Variants in VTI1A observed in about 807,000 individuals in gnomAD.
VTI1A encodes the protein vesicle transport through interaction with t-SNAREs 1A.
In VTI1A, 22 loss-of-function variants were observed where a neutral mutation model predicts 34.9. The ratio of observed to expected loss-of-function variants is 0.63; its 90% CI spans 0.45 to 0.90. VTI1A has a LOEUF of 0.90. Among genes scored for constraint, VTI1A ranks in the 40% least tolerant of loss-of-function variants. VTI1A has a pLI of 0.00. For missense variants in VTI1A, 268 were observed against 275.6 expected, an observed-to-expected ratio of 0.97 and a Z score of 0.20; for synonymous variants, 87 against 97.3, an observed-to-expected ratio of 0.89 and a Z score of 0.62.
At chr10:112,792,450 T>A (rs547046779) in intron 7 of VTI1A, among the ~76,000 whole-genome samples, 2 of 152,162 alleles carry the variant, frequency 1.3e-5, no homozygotes, top group African/African-American at 4.8e-5. Flanking sequence ...GACCCGAGCC[T>A]GGCTCTCACC....
chr10:112,825,233 A>ACAGCTC, the VTI1A span: 1 of 152,762 alleles, frequency 6.5e-6, no homozygotes, highest in East Asian at 1.9e-4. Flanking sequence ...CTCTGCCCCC[A>ACAGCTC]CAGCTCCAGC....
At chr10:112,615,107 T>A (rs944029684) in intron 5 of VTI1A, among the ~76,000 whole-genome samples, 5 of 152,306 alleles carry the variant, frequency 3.3e-5, no homozygotes, top group African/African-American at 4.8e-5. Context: ...AACATTTGTA[T>A]TGGCAATGGG....
chr10:112,813,131 G>A (rs1853377111), intron 7 of VTI1A, among the ~76,000 whole-genome samples: 1 of 152,350 alleles, frequency 6.6e-6, no homozygotes, highest in South Asian at 2.1e-4. Flanking sequence ...GGAAGCAACA[G>A]AGCGGGCGGT....
chr10:112,568,182 A>C (rs1361269198), intron 5 of VTI1A, among the ~76,000 whole-genome samples: 1 of 152,112 alleles, frequency 6.6e-6, no homozygotes, highest in Non-Finnish European at 1.5e-5. Flanking sequence ...TTGTGGTCTC[A>C]GAAGCACCAA....
chr10:112,624,078 G>C (rs1845830138), intron 5 of VTI1A, among the ~76,000 whole-genome samples: 1 of 152,198 alleles, frequency 6.6e-6, no homozygotes, highest in Non-Finnish European at 1.5e-5. Flanking sequence ...GAACTTAGGG[G>C]CTCAGGAGTT....
chr10:112,625,040 G>A (rs912340360), intron 5 of VTI1A, among the ~76,000 whole-genome samples: 1 of 152,200 alleles, frequency 6.6e-6, no homozygotes, highest in South Asian at 2.1e-4. Context: ...TGAGACTGCA[G>A]TGAGCCATGA....
At chr10:112,690,103 C>G (rs1848562253) in intron 7 of VTI1A, among the ~76,000 whole-genome samples, 1 of 151,900 alleles carries the variant, frequency 6.6e-6, no homozygotes. Flanking sequence ...TATTTCATTC[C>G]TTTTAATTGC....
intron 5 of VTI1A, among the ~76,000 whole-genome samples, chr10:112,614,976 A>G (rs1354884824): frequency 6.6e-6 from 1 of 152,146 alleles, no homozygotes; most frequent in African/African-American, 2.4e-5. Flanking sequence ...ATATTGATGG[A>G]TCAATCCAAG....
intron 5 of VTI1A, among the ~76,000 whole-genome samples, chr10:112,572,042 A>T (rs1225779659): frequency 8.0e-6 from 1 of 125,170 alleles, no homozygotes; most frequent in Admixed American, 7.7e-5. Context: ...TATGCTCACA[A>T]CTTGAATGAC....
chr10:112,792,726 T>C (rs1852527414), intron 7 of VTI1A, among the ~76,000 whole-genome samples: 1 of 152,196 alleles, frequency 6.6e-6, no homozygotes, highest in Non-Finnish European at 1.5e-5. Context: ...TGTCAGTGAA[T>C]GTTTACATGA....
At chr10:112,787,002 A>T (rs1210359905) in intron 7 of VTI1A, among the ~76,000 whole-genome samples, 1 of 152,168 alleles carries the variant, frequency 6.6e-6, no homozygotes, top group Non-Finnish European at 1.5e-5. Flanking sequence ...ATAAATTGTG[A>T]TGTAATTCAT....
chr10:112,453,573 T>G (rs1209142589), intron 1 of VTI1A, among the ~76,000 whole-genome samples: 1 of 152,238 alleles, frequency 6.6e-6, no homozygotes, highest in Non-Finnish European at 1.5e-5. Context: ...TTTATTTTCA[T>G]GTTGCTCAAA....
At chr10:112,660,104 G>C (rs1415821545) in intron 5 of VTI1A, among the ~76,000 whole-genome samples, 1 of 152,072 alleles carries the variant, frequency 6.6e-6, no homozygotes, top group South Asian at 2.1e-4. Flanking sequence ...ATTTGTTGTT[G>C]TTGTTGTTGT....
At chr10:112,733,395 C>T (rs1434044917) in intron 7 of VTI1A, among the ~76,000 whole-genome samples, 2 of 152,132 alleles carry the variant, frequency 1.3e-5, no homozygotes, top group African/African-American at 4.8e-5. Context: ...TTCCCATTCC[C>T]CCAGCCCCCG....
chr10:112,660,765 A>G (rs1449789537), intron 5 of VTI1A, among the ~76,000 whole-genome samples: 1 of 152,154 alleles, frequency 6.6e-6, no homozygotes, highest in East Asian at 1.9e-4. Context: ...CTCAGAAATT[A>G]AGGTTTTTAT....
At chr10:112,625,661 A>C (rs560879685) in intron 5 of VTI1A, among the ~76,000 whole-genome samples, 5 of 151,394 alleles carry the variant, frequency 3.3e-5, no homozygotes, top group Non-Finnish European at 5.9e-5. Flanking sequence ...AAGGAAAACC[A>C]AACATCATAT....
Position 112,767,953 on chromosome 10 carries a change from G to A in VTI1A, c.561-47337G>A, listed in dbSNP as rs78445945. On this transcript the variant is annotated intron_variant, in intron 7 of 7. Transcript: ENST00000393077. This position sits in a 1 kb window ranked among gnomAD's most constrained non-coding sequence, Gnocchi z 4.0. ...CACTAGTGTCACAGAAGCCGGACACGTATTACTTCCCCCTTGGATCCTCAT... is the reference window on the plus strand; with the variant it reads ...CACTAGTGTCACAGAAGCCGGACACATATTACTTCCCCCTTGGATCCTCAT... Among the ~76,000 whole-genome samples the A allele has an allele frequency of 4.3e-3, 651 of 152,284 alleles. 4 individuals carry two copies. Among genetic ancestry groups the A allele is most frequent in the African/African-American group, 0.014 (578 of 41,558 alleles).
the VTI1A span, among the ~76,000 whole-genome samples, chr10:112,829,753 C>CA: frequency 6.6e-6 from 1 of 151,894 alleles, no homozygotes; most frequent in African/African-American, 2.4e-5. Context: ...GACTCCATTT[C>CA]AAAAAATAAA....
At chr10:112,589,314 G>T (rs1844288364) in intron 5 of VTI1A, among the ~76,000 whole-genome samples, 1 of 152,042 alleles carries the variant, frequency 6.6e-6, no homozygotes. Flanking sequence ...AGTGAATTAA[G>T]TCGCATGAGA....
Sources: gnomAD v4.1 joint callset for allele counts (sites outside exome capture counted in the v4.1 genomes callset) on GRCh38, gnomAD v4.1.1 for gene constraint, Gnocchi (gnomAD v3.1) non-coding constraint, MANE v1.5 for transcripts, NCBI Gene and HGNC (gene_info 2026-07-23, HGNC 2026-07-21) for gene names.